Variants in CDH13 observed in about 807,000 individuals in gnomAD.
The protein encoded by CDH13 is cadherin-13.
A neutral mutation model predicts 63.8 loss-of-function variants in CDH13; 24 were observed. The observed-to-expected ratio is 0.38, with a 90% CI of 0.27 to 0.53. CDH13 has a LOEUF of 0.53. Ranked by LOEUF, CDH13 falls within the 20% of genes least tolerant of loss-of-function variation. CDH13 has a pLI of 0.85. For missense variants in CDH13, 1,049 were observed against 903.1 expected (o/e 1.16, Z -2.07); for synonymous variants, 503 against 355.3 (o/e 1.42, Z -4.67).
chr16:83,240,018 G>C (rs969194582), intron 5 of CDH13, among the ~76,000 whole-genome samples: 2 of 152,178 alleles, frequency 1.3e-5, no homozygotes. Flanking sequence ...AAGCCCCACA[G>C]GTGTACAGCC....
intron 11 of CDH13, among the ~76,000 whole-genome samples, chr16:83,768,756 A>T (rs1366714885): frequency 6.6e-6 from 1 of 151,770 alleles, no homozygotes; most frequent in Non-Finnish European, 1.5e-5. Context: ...GTAAACTGTC[A>T]TGGTGCTGGT....
Position 83,390,152 on chromosome 16 carries a change from C to G in CDH13, c.781+45146C>G, listed in dbSNP as rs145910657. On this transcript the variant is annotated intron_variant, in intron 6 of 13. Coordinates refer to ENST00000567109, the MANE Select transcript of CDH13 (RefSeq NM_001257.5). ...TGGAGCACCCCAGAAAATCTTCAGA[C>G]CCTGAGTTTGGAGCTGAGGAACTCA... 2.6e-4 allele frequency among the ~76,000 whole-genome samples: 40 copies of G among 152,286 alleles called. No homozygotes were observed. In the East Asian group the frequency reaches 7.5e-3, roughly 29 times the overall value.
At chr16:83,535,320 C>T (rs899520574) in intron 7 of CDH13, among the ~76,000 whole-genome samples, 1 of 152,160 alleles carries the variant, frequency 6.6e-6, no homozygotes, top group Admixed American at 6.5e-5. Context: ...AAAGAGATAC[C>T]ACTAAAGAAT....
rs544550895 is a variant in CDH13 at position 83,228,075 on chromosome 16, G to A, written c.636+10578G>A. ...AAGGCCCTCCTGGGAGGGGCCGTGA[G>A]AAGGGAGGCCAGATGGAAAGTCTCC... On this transcript the variant is annotated intron_variant, in intron 5 of 13. Transcript: ENST00000567109. 2.0e-4 allele frequency among the ~76,000 whole-genome samples: 30 copies of A among 152,318 alleles called. No individual in the cohort carries two copies. In the South Asian group the frequency reaches 5.2e-3, roughly 26 times the overall value.
At chr16:83,079,098 G>A (rs1232731493) in intron 3 of CDH13, among the ~76,000 whole-genome samples, 2 of 152,064 alleles carry the variant, frequency 1.3e-5, no homozygotes, top group African/African-American at 4.8e-5. Context: ...CCCGGCCCAG[G>A]TTTTTCATGC....
At chr16:83,570,803 A>AAT (rs988344791) in intron 7 of CDH13, among the ~76,000 whole-genome samples, 1 of 132,992 alleles carries the variant, frequency 7.5e-6, no homozygotes, top group Non-Finnish European at 1.6e-5. Context: ...TATATTTATA[A>AAT]ATATATATAT....
chr16:83,228,383 G>A lies in CDH13; in HGVS notation c.636+10886G>A, dbSNP rs543112785. On this transcript the variant is annotated intron_variant, in intron 5 of 13. Transcript: ENST00000567109. ...AATTATTGCATGGTTTGTTTGCTCA[G>A]TATTCATCAGGTTTGGATAGTCAAG... 2.0e-5 allele frequency among the ~76,000 whole-genome samples: 3 copies of A among 152,278 alleles called. No individual in the cohort carries two copies. The South Asian group carries it at 6.2e-4, about 32-fold the overall frequency.
chr16:83,650,345 T>A (rs1912251357), intron 8 of CDH13, among the ~76,000 whole-genome samples: 3 of 152,256 alleles, frequency 2.0e-5, no homozygotes, highest in Admixed American at 2.0e-4. Context: ...CCTTGAATGT[T>A]TTTCTGGCAA....
intron 13 of CDH13, among the ~76,000 whole-genome samples, chr16:83,791,269 G>C (rs1916246098): frequency 1.3e-5 from 2 of 152,178 alleles, no homozygotes; most frequent in Admixed American, 1.3e-4. Flanking sequence ...AGCCTAGGTG[G>C]GCCGATCACC....
intron 6 of CDH13, among the ~76,000 whole-genome samples, chr16:83,446,620 A>G (rs75420545): frequency 0.01 from 1,564 of 152,300 alleles, 25 homozygotes; most frequent in South Asian, 0.041. Context: ...TTTTCTGCTC[A>G]TTTCTCCATC....
In CDH13 at chr16:83,183,236, G is replaced by T. The variant is rs556012720; in HGVS notation, c.484-34109G>T. On this transcript the variant is annotated intron_variant, in intron 4 of 13. Transcript: ENST00000567109. Reference sequence around the variant, plus strand: ...TGCTTTATTTGAGATAAACACAAAAGGTTTTAAGTATCGTTGATATTAGTC... The same window carrying T: ...TGCTTTATTTGAGATAAACACAAAATGTTTTAAGTATCGTTGATATTAGTC... Among the ~76,000 whole-genome samples, 4 of 152,280 alleles carry T rather than the reference G, an allele frequency of 2.6e-5. 1 individual carries two copies. The East Asian group carries it at 7.7e-4, about 29-fold the overall frequency.
chr16:83,192,327 C>G (rs1016547052), intron 4 of CDH13, among the ~76,000 whole-genome samples: 2 of 152,190 alleles, frequency 1.3e-5, no homozygotes, highest in Non-Finnish European at 2.9e-5. Context: ...GCTGTGGATT[C>G]ACTTCTGCAG....
At chr16:82,835,710 C>T (rs1375357556) in intron 1 of CDH13, among the ~76,000 whole-genome samples, 2 of 152,168 alleles carry the variant, frequency 1.3e-5, no homozygotes, top group Non-Finnish European at 2.9e-5. Context: ...ATAGAAGTTT[C>T]CCTAGTTTTG....
chr16:83,508,787 G>T (rs906571893), intron 7 of CDH13, among the ~76,000 whole-genome samples: 3 of 152,112 alleles, frequency 2.0e-5, no homozygotes, highest in African/African-American at 4.8e-5. Flanking sequence ...TAAGCTATTT[G>T]CACTCAAATA....
At chr16:83,091,529 G>T (rs1186058293) in intron 3 of CDH13, among the ~76,000 whole-genome samples, 2 of 152,132 alleles carry the variant, frequency 1.3e-5, no homozygotes, top group African/African-American at 4.8e-5. Flanking sequence ...TCATTCCTTG[G>T]GGAGGGTACT....
chr16:83,686,486 T>C (rs2150883936), intron 10 of CDH13, among the ~76,000 whole-genome samples: 1 of 152,304 alleles, frequency 6.6e-6, no homozygotes, highest in East Asian at 1.9e-4. Flanking sequence ...AAAATTGAAA[T>C]TAATAAATAT....
chr16:82,701,604 C>T (rs1254025303), intron 1 of CDH13, among the ~76,000 whole-genome samples: 1 of 152,090 alleles, frequency 6.6e-6, no homozygotes, highest in Non-Finnish European at 1.5e-5. Flanking sequence ...TGTCAGCAGT[C>T]CTTCCTTTTT....
intron 5 of CDH13, among the ~76,000 whole-genome samples, chr16:83,248,552 C>T (rs1905191664): frequency 6.6e-6 from 1 of 152,160 alleles, no homozygotes; most frequent in African/African-American, 2.4e-5. Context: ...AAGATTTCTA[C>T]AATGTAGTAC....
chr16:83,511,885 C>A (rs73605833), intron 7 of CDH13, among the ~76,000 whole-genome samples: 1,696 of 152,234 alleles, frequency 0.011, 32 homozygotes, highest in African/African-American at 0.038. Context: ...GAGGCCTGGG[C>A]ATGTTATTTA....
Sources: gnomAD v4.1 joint callset for allele counts (sites outside exome capture counted in the v4.1 genomes callset) on GRCh38, gnomAD v4.1.1 for gene constraint, MANE v1.5 for transcripts, NCBI Gene and HGNC (gene_info 2026-07-23, HGNC 2026-07-21) for gene names.